CDC42SE2: variants seen among roughly 807,000 people sequenced by gnomAD.
CDC42SE2 encodes the protein CDC42 small effector protein 2.
Under a neutral mutation model 11.5 loss-of-function variants are expected in CDC42SE2, and 3 were observed. The observed-to-expected ratio is 0.26, with a 90% CI of 0.12 to 0.67. The LOEUF is 0.67. Among genes scored for constraint, CDC42SE2 ranks in the 30% least tolerant of loss-of-function variants. The pLI is 0.80. For synonymous variants in CDC42SE2, 33 were observed against 34.8 expected, an observed-to-expected ratio of 0.95 and a Z score of 0.18; for missense variants, 82 against 106.8, an observed-to-expected ratio of 0.77 and a Z score of 1.02.
intron 1 of CDC42SE2, among the ~76,000 whole-genome samples, chr5:131,290,475 T>TA (rs1757434156): frequency 6.8e-6 from 1 of 147,814 alleles, no homozygotes; most frequent in African/African-American, 2.6e-5. Flanking sequence ...TTTCTTTCTT[T>TA]TTTTTTTTTT....
rs1447681312 is a variant in CDC42SE2, at chr5:131,391,588, C to T, written c.*497C>T. 2 of 152,348 alleles carry T rather than the reference C, an allele frequency of 1.3e-5. No homozygotes were observed. Among genetic ancestry groups the T allele is most frequent in the Non-Finnish European group, 2.9e-5 (2 of 68,130 alleles). The allele number at this position is 152,348 out of a possible 1,614,324, so 9.4% of individuals were successfully genotyped here. A position where few individuals can be genotyped will look rare whatever the true frequency, so the allele number is the denominator to read the frequency against. On this transcript the variant is annotated 3_prime_UTR_variant, in exon 5 of 5. Transcript: ENST00000505065. ...TCAGGAGGCTGAGGCACGAGAATTG[C>T]TTGAACCTGGGAGGCAGGGGTTGCA...
At chr5:131,248,627 A>T (rs751081047) in intron 1 of CDC42SE2, among the ~76,000 whole-genome samples, 1 of 152,206 alleles carries the variant, frequency 6.6e-6, no homozygotes, top group South Asian at 2.1e-4. Context: ...AAGATATCTG[A>T]TGTGAAACAA....
intron 1 of CDC42SE2, among the ~76,000 whole-genome samples, chr5:131,300,974 T>G (rs1757667243): frequency 6.6e-6 from 1 of 152,200 alleles, no homozygotes; most frequent in Admixed American, 6.5e-5. Flanking sequence ...CTTACAATAA[T>G]TCTCTGAGGT....
chr5:131,310,858 C>T (rs1164552205), intron 1 of CDC42SE2, among the ~76,000 whole-genome samples: 1 of 152,058 alleles, frequency 6.6e-6, no homozygotes. Flanking sequence ...AGATGGGTTT[C>T]CTGAATACAG....
the CDC42SE2 span, among the ~76,000 whole-genome samples, chr5:131,210,692 C>T: frequency 6.6e-6 from 1 of 152,114 alleles, no homozygotes; most frequent in African/African-American, 2.4e-5. Context: ...AGATTTTTGT[C>T]TTTTCTTTGG....
intron 2 of CDC42SE2, among the ~76,000 whole-genome samples, chr5:131,324,157 G>A (rs1467083865): frequency 6.6e-6 from 1 of 152,096 alleles, no homozygotes; most frequent in Non-Finnish European, 1.5e-5. Flanking sequence ...TTATTCTTTA[G>A]AAGTATTATT....
At chr5:131,312,018 C>T (rs1313972778) in intron 1 of CDC42SE2, among the ~76,000 whole-genome samples, 1 of 152,176 alleles carries the variant, frequency 6.6e-6, no homozygotes, top group Non-Finnish European at 1.5e-5. Context: ...AGGAGAGGCG[C>T]TCTGCTTTTT....
At chr5:131,262,186 G>A (rs1328267739), upstream of CDC42SE2, among the ~76,000 whole-genome samples, 7 of 150,146 alleles carry the variant, frequency 4.7e-5, no homozygotes, top group African/African-American at 1.7e-4. Flanking sequence ...TTTTGTTCTA[G>A]GAAATTTTTA....
At chr5:131,284,980 C>A (rs1210963077) in intron 1 of CDC42SE2, among the ~76,000 whole-genome samples, 14 of 151,634 alleles carry the variant, frequency 9.2e-5, no homozygotes, top group Admixed American at 9.2e-4. Context: ...CATAATGAGA[C>A]CCTATCTCTA....
Position 131,302,067 on chromosome 5 carries a change from C to T in CDC42SE2, c.-454-13909C>T, listed in dbSNP as rs527502973. Among the ~76,000 whole-genome samples, 56 of 152,198 alleles carry T rather than the reference C, an allele frequency of 3.7e-4. No individual in the cohort carries two copies. In the South Asian group the frequency reaches 7.7e-3, roughly 21 times the overall value. On this transcript the variant is annotated intron_variant, in intron 1 of 4. Coordinates refer to ENST00000505065, the MANE Select transcript of CDC42SE2 (RefSeq NM_001375635.1). Reference sequence around the variant, plus strand: ...TCTTGCCCAGACTGCAATGCGGTGACGAGATCTTGGCTCACTGCAACCTCT... The same window carrying T: ...TCTTGCCCAGACTGCAATGCGGTGATGAGATCTTGGCTCACTGCAACCTCT...
chr5:131,269,453 A>AT (rs1462896073), intron 1 of CDC42SE2, among the ~76,000 whole-genome samples: 2 of 152,136 alleles, frequency 1.3e-5, no homozygotes, highest in African/African-American at 2.4e-5. Flanking sequence ...GTATGATCGA[A>AT]TTTTTTTATC....
chr5:131,301,132 C>A (rs984579218), intron 1 of CDC42SE2, among the ~76,000 whole-genome samples: 1 of 152,030 alleles, frequency 6.6e-6, no homozygotes, highest in Admixed American at 6.6e-5. Context: ...TTGTACACTA[C>A]CGTTGCTGTG....
intron 2 of CDC42SE2, among the ~76,000 whole-genome samples, chr5:131,344,114 G>C (rs1468760670): frequency 6.6e-6 from 1 of 152,176 alleles, no homozygotes; most frequent in Non-Finnish European, 1.5e-5. Flanking sequence ...GCAGAAGAAG[G>C]GTGATTTCTG....
At chr5:131,236,177 T>C in the CDC42SE2 span, among the ~76,000 whole-genome samples, 2 of 152,198 alleles carry the variant, frequency 1.3e-5, no homozygotes. Context: ...ATGGGTCTGT[T>C]TGGCTTTTTT....
chr5:131,224,567 C>G, the CDC42SE2 span, among the ~76,000 whole-genome samples: 3 of 152,084 alleles, frequency 2.0e-5, no homozygotes, highest in Non-Finnish European at 2.9e-5. Flanking sequence ...TCCTTTCTCA[C>G]CTGGCCTAAC....
the CDC42SE2 span, among the ~76,000 whole-genome samples, chr5:131,234,824 A>C: frequency 6.6e-6 from 1 of 151,598 alleles, no homozygotes; most frequent in Admixed American, 6.6e-5. Flanking sequence ...AGAAGAAATA[A>C]TTTGTCTTTT....
intron 3 of CDC42SE2, among the ~76,000 whole-genome samples, chr5:131,376,303 C>T (rs560208411): frequency 1.3e-5 from 2 of 151,688 alleles, no homozygotes; most frequent in Non-Finnish European, 2.9e-5. Flanking sequence ...GACTTCTGAG[C>T]AGTGGCTGAG....
intron 1 of CDC42SE2, among the ~76,000 whole-genome samples, chr5:131,286,068 T>A (rs954745295): frequency 8.1e-5 from 12 of 148,176 alleles, no homozygotes; most frequent in African/African-American, 2.7e-4. Flanking sequence ...TTTTTTTTGG[T>A]TGGGGGGACA....
chr5:131,294,952 C>T lies in CDC42SE2; in HGVS notation c.-454-21024C>T, dbSNP rs975587924. Among the ~76,000 whole-genome samples the T allele has an allele frequency of 3.7e-4, 57 of 152,068 alleles. 1 individual carries two copies. Among genetic ancestry groups the T allele is most frequent in the African/African-American group, 1.2e-3 (50 of 41,484 alleles). ...ACCATCCTGGCTAACATGGTGAAACCCTGTCTATACTAGAAATACAAAAAA... is the reference window on the plus strand; with the variant it reads ...ACCATCCTGGCTAACATGGTGAAACTCTGTCTATACTAGAAATACAAAAAA... On this transcript the variant is annotated intron_variant, in intron 1 of 4. Transcript: ENST00000505065.
Sources: allele counts gnomAD v4.1 joint callset (sites outside exome capture counted in the v4.1 genomes callset), GRCh38; gene constraint gnomAD v4.1.1; transcripts MANE v1.5; gene names NCBI Gene and HGNC (gene_info 2026-07-23, HGNC 2026-07-21).